KCNT2: variants seen among roughly 807,000 people sequenced by gnomAD.
KCNT2 encodes potassium channel subfamily T member 2.
In KCNT2, 67 loss-of-function variants were observed where a neutral mutation model predicts 153.8. The ratio of observed to expected loss-of-function variants is 0.44; its 90% CI spans 0.36 to 0.53. The LOEUF (loss-of-function observed/expected upper bound fraction) is 0.53, where lower values mean the gene tolerates loss of function less well. Ranked by LOEUF, KCNT2 falls within the 20% of genes least tolerant of loss-of-function variation. The probability of loss-of-function intolerance (pLI) is 0.00; values close to 1 mark genes in which losing one functional copy is unlikely to be tolerated. For missense variants in KCNT2, 975 were observed against 1,354.8 expected (o/e 0.72, Z 4.40); for synonymous variants, 500 against 458.8 (o/e 1.09, Z -1.15).
chr1:196,256,057 G>A (rs1656455977), intron 26 of KCNT2, among the ~76,000 whole-genome samples: 1 of 151,900 alleles, frequency 6.6e-6, no homozygotes, highest in African/African-American at 2.4e-5. Context: ...TCATAGTTGA[G>A]TTTTCACATA....
chr1:196,409,490 T>C (rs533611926), intron 12 of KCNT2, among the ~76,000 whole-genome samples: 4 of 151,758 alleles, frequency 2.6e-5, no homozygotes, highest in African/African-American at 4.8e-5. Context: ...TAATTGTCAT[T>C]ATTTTTGTTT....
chr1:196,254,412 T>C (rs1293332605), intron 26 of KCNT2, among the ~76,000 whole-genome samples: 1 of 151,556 alleles, frequency 6.6e-6, no homozygotes, highest in Admixed American at 6.6e-5. Flanking sequence ...TCTGAAATAG[T>C]AAATTGTTAG....
At chr1:196,596,393 T>C (rs1420266410) in intron 1 of KCNT2, among the ~76,000 whole-genome samples, 2 of 152,118 alleles carry the variant, frequency 1.3e-5, no homozygotes, top group African/African-American at 4.8e-5. Context: ...CCAACATTTA[T>C]TGTTTTTTGA....
rs140855905 is a variant in KCNT2, at chr1:196,436,573, T to C, written c.639-6816A>G. Among the ~76,000 whole-genome samples the C allele has an allele frequency of 4.9e-3, 748 of 151,586 alleles. 10 individuals are homozygous for C. Among genetic ancestry groups the C allele is most frequent in the African/African-American group, 0.017 (721 of 41,498 alleles). On this transcript the variant is annotated intron_variant, in intron 8 of 27. Coordinates refer to ENST00000294725, the MANE Select transcript of KCNT2 (RefSeq NM_198503.5). ...TACGTAAAGATTTGAAGCAATACAG[T>C]GATAATCAGGCATTATAATATAGTT...
chr1:196,407,641 T>C (rs1486123663), intron 12 of KCNT2, among the ~76,000 whole-genome samples: 1 of 151,290 alleles, frequency 6.6e-6, no homozygotes, highest in African/African-American at 2.4e-5. Context: ...AAAAAAACAG[T>C]GAAAAAGCTT....
intron 8 of KCNT2, among the ~76,000 whole-genome samples, chr1:196,443,963 A>G (rs544648383): frequency 3.1e-4 from 47 of 151,668 alleles, no homozygotes; most frequent in African/African-American, 8.7e-4. Context: ...TAATATAACT[A>G]AAATGTAAGA....
At chr1:196,491,620 G>A (rs905891258) in intron 2 of KCNT2, among the ~76,000 whole-genome samples, 24 of 151,954 alleles carry the variant, frequency 1.6e-4, no homozygotes, top group African/African-American at 5.6e-4. Flanking sequence ...AAGCATCAGC[G>A]GCACTCCTAA....
intron 1 of KCNT2, among the ~76,000 whole-genome samples, chr1:196,524,642 C>G (rs1012010054): frequency 6.6e-6 from 1 of 152,034 alleles, no homozygotes; most frequent in Non-Finnish European, 1.5e-5. Context: ...ACACTAAAGT[C>G]ATATATAATA....
chr1:196,314,233 A>C (rs1662479451), intron 21 of KCNT2, among the ~76,000 whole-genome samples: 1 of 151,644 alleles, frequency 6.6e-6, no homozygotes, highest in Non-Finnish European at 1.5e-5. Flanking sequence ...TTGAAAGTTT[A>C]AATAACATGT....
chr1:196,509,509 C>A (rs1681437577), intron 1 of KCNT2, among the ~76,000 whole-genome samples: 1 of 151,820 alleles, frequency 6.6e-6, no homozygotes, highest in African/African-American at 2.4e-5. Flanking sequence ...TTATAAAGTT[C>A]AAAAAAACTT....
At chr1:196,334,754 C>T (rs1356341459) in intron 16 of KCNT2, among the ~76,000 whole-genome samples, 3 of 151,934 alleles carry the variant, frequency 2.0e-5, no homozygotes, top group Non-Finnish European at 4.4e-5. Context: ...AAAGTTTCTA[C>T]AAGATGAAAC....
intron 14 of KCNT2, among the ~76,000 whole-genome samples, chr1:196,354,178 G>T (rs571571951): frequency 6.6e-6 from 1 of 151,632 alleles, no homozygotes; most frequent in East Asian, 1.9e-4. Flanking sequence ...CTAAAGAAAA[G>T]CCTTGGTGTT....
intron 14 of KCNT2, 90 bp downstream of exon 14, chr1:196,373,050 C>T (rs1668663698): frequency 1.6e-5 from 11 of 677,078 alleles, no homozygotes; most frequent in Non-Finnish European, 2.4e-5. Context: ...TAGCTGTATA[C>T]GTAGGCCTTC....
intron 25 of KCNT2, among the ~76,000 whole-genome samples, chr1:196,272,234 A>G (rs74339170): frequency 6.6e-6 from 1 of 151,900 alleles, no homozygotes; most frequent in East Asian, 1.9e-4. Context: ...AAAATCCAGC[A>G]ATAAAAATTT....
intron 12 of KCNT2, among the ~76,000 whole-genome samples, chr1:196,400,595 G>A (rs1310712245): frequency 1.3e-5 from 2 of 151,660 alleles, no homozygotes; most frequent in Non-Finnish European, 2.9e-5. Flanking sequence ...TAGTAATAGT[G>A]AAGTAATATC....
At chr1:196,607,849 T>G (rs1368079747) in intron 1 of KCNT2, among the ~76,000 whole-genome samples, 2 of 152,148 alleles carry the variant, frequency 1.3e-5, no homozygotes, top group Admixed American at 6.5e-5. Flanking sequence ...TAACCACACC[T>G]AAGGAAAAAA....
At chr1:196,510,421 A>G (rs2148795124) in intron 1 of KCNT2, among the ~76,000 whole-genome samples, 1 of 152,062 alleles carries the variant, frequency 6.6e-6, no homozygotes, top group East Asian at 1.9e-4. Flanking sequence ...AGCCCACACA[A>G]TTTACCCTAA....
intron 5 of KCNT2, among the ~76,000 whole-genome samples, chr1:196,477,121 T>G (rs1366825385): frequency 6.6e-6 from 1 of 152,122 alleles, no homozygotes; most frequent in Admixed American, 6.6e-5. Context: ...TTCTTATTCA[T>G]CAATCTGACA....
intron 1 of KCNT2, among the ~76,000 whole-genome samples, chr1:196,595,752 T>C (rs943532576): frequency 3.9e-5 from 6 of 152,042 alleles, no homozygotes; most frequent in Admixed American, 3.9e-4. Context: ...GATAAGTGTT[T>C]TAGTGGTGAT....
Sources: allele counts gnomAD v4.1 joint callset (sites outside exome capture counted in the v4.1 genomes callset), GRCh38; gene constraint gnomAD v4.1.1; transcripts MANE v1.5; gene names NCBI Gene and HGNC (gene_info 2026-07-23, HGNC 2026-07-21).